The following CHCHD6 variants were observed in gnomAD, a reference collection of about 807,000 sequenced individuals.
CHCHD6 encodes the protein MICOS complex subunit MIC25.
A neutral mutation model predicts 32.3 loss-of-function variants in CHCHD6; 28 were observed. The observed-to-expected ratio is 0.87, with a 90% CI of 0.64 to 1.19. The LOEUF is 1.19. Among genes scored for constraint, CHCHD6 ranks in the 50% most tolerant of loss-of-function variants. CHCHD6 has a pLI of 0.00. For synonymous variants in CHCHD6, 122 were observed against 117.5 expected, an observed-to-expected ratio of 1.04 and a Z score of -0.25; for missense variants, 333 against 307.0, an observed-to-expected ratio of 1.08 and a Z score of -0.63.
At chr3:126,915,302 C>T (rs1054984801) in intron 6 of CHCHD6, among the ~76,000 whole-genome samples, 42 of 152,244 alleles carry the variant, frequency 2.8e-4, no homozygotes, top group African/African-American at 7.7e-4. Context: ...ATTCTGTCCC[C>T]TGTCTGTGGT....
intron 5 of CHCHD6, among the ~76,000 whole-genome samples, chr3:126,901,080 A>G (rs927076316): frequency 1.3e-5 from 2 of 152,160 alleles, no homozygotes; most frequent in Non-Finnish European, 2.9e-5. Flanking sequence ...GATCCAAACC[A>G]TATCACCAGC....
At chr3:126,873,833 G>T (rs1390333334) in intron 5 of CHCHD6, among the ~76,000 whole-genome samples, 1 of 152,212 alleles carries the variant, frequency 6.6e-6, no homozygotes, top group Non-Finnish European at 1.5e-5. Flanking sequence ...TATTCCCTCT[G>T]TACCACTGGG....
chr3:126,705,225 T>A (rs1383324198), intron 1 of CHCHD6, among the ~76,000 whole-genome samples: 4 of 152,218 alleles, frequency 2.6e-5, no homozygotes, highest in Non-Finnish European at 5.9e-5. Context: ...CGTCCAACAT[T>A]TATTATTTTC....
chr3:126,823,615 T>G (rs1412984660), intron 4 of CHCHD6, among the ~76,000 whole-genome samples: 1 of 152,246 alleles, frequency 6.6e-6, no homozygotes, highest in African/African-American at 2.4e-5. Context: ...TCTTAAGTTT[T>G]TCTACATATA....
chr3:126,872,576 T>G (rs978948065), intron 5 of CHCHD6, among the ~76,000 whole-genome samples: 3 of 152,114 alleles, frequency 2.0e-5, no homozygotes, highest in African/African-American at 7.2e-5. Context: ...GAATCTTAGG[T>G]TAGAAGCTGG....
At chr3:126,775,902 C>T (rs143461656) in intron 4 of CHCHD6, among the ~76,000 whole-genome samples, 114 of 152,320 alleles carry the variant, frequency 7.5e-4, no homozygotes, top group African/African-American at 2.5e-3. Flanking sequence ...GGTGCAGGTG[C>T]GGATTTCCTG....
chr3:126,919,386 T>G (rs904075043), intron 6 of CHCHD6, among the ~76,000 whole-genome samples: 1 of 150,052 alleles, frequency 6.7e-6, no homozygotes, highest in Non-Finnish European at 1.5e-5. Context: ...TGATCACAGC[T>G]TACTGCAGCC....
In CHCHD6 at chr3:126,871,403, G is replaced by A. The variant is rs78183858; in HGVS notation, c.495+18673G>A. Among the ~76,000 whole-genome samples the A allele has an allele frequency of 1.9e-3, 287 of 152,172 alleles. 1 individual carries two copies. Among genetic ancestry groups the A allele is most frequent in the African/African-American group, 5.3e-3 (221 of 41,524 alleles). ...CCCTGCCCTTCCTGTACTCTGTTAG[G>A]CATGGGTGCTTCTACGAAAACTTCC... On this transcript the variant is annotated intron_variant, in intron 5 of 7. Coordinates refer to ENST00000290913, the MANE Select transcript of CHCHD6 (RefSeq NM_032343.3).
intron 4 of CHCHD6, among the ~76,000 whole-genome samples, chr3:126,768,448 C>T (rs1196674404): frequency 3.3e-5 from 5 of 152,130 alleles, no homozygotes; most frequent in African/African-American, 7.2e-5. Context: ...AGCAGAACTG[C>T]GAGCCAGTTA....
chr3:126,925,482 C>T (rs138262759), intron 6 of CHCHD6, among the ~76,000 whole-genome samples: 5 of 152,308 alleles, frequency 3.3e-5, no homozygotes, highest in Non-Finnish European at 7.4e-5. Context: ...AGTTGTACAG[C>T]GCTCATCTTC....
chr3:126,706,425 C>G (rs903537613), intron 1 of CHCHD6, among the ~76,000 whole-genome samples: 1 of 152,146 alleles, frequency 6.6e-6, no homozygotes, highest in African/African-American at 2.4e-5. Context: ...TTTCTCACTT[C>G]TGCAATTCCC....
At chr3:126,726,801 C>G (rs1935555673) in intron 1 of CHCHD6, among the ~76,000 whole-genome samples, 1 of 152,052 alleles carries the variant, frequency 6.6e-6, no homozygotes, top group South Asian at 2.1e-4. Flanking sequence ...ACATCAGGTT[C>G]CCCTGAGGAC....
At chr3:126,766,823 C>G (rs1937387062) in intron 4 of CHCHD6, 2 of 983,136 alleles carry the variant, frequency 2.0e-6, no homozygotes, top group African/African-American at 1.6e-5. Context: ...CAGGTGTAAC[C>G]AGTATAGATC....
intron 1 of CHCHD6, among the ~76,000 whole-genome samples, chr3:126,723,145 C>T (rs1207792077): frequency 6.6e-6 from 1 of 152,088 alleles, no homozygotes; most frequent in Non-Finnish European, 1.5e-5. Context: ...CTCCTTATTC[C>T]CTTCCATTGA....
chr3:126,910,281 A>AAAAAACAAAAAAAC (rs1400540164), intron 5 of CHCHD6, among the ~76,000 whole-genome samples: 10 of 151,576 alleles, frequency 6.6e-5, no homozygotes, highest in African/African-American at 2.2e-4. Flanking sequence ...AGGAAAAAAA[A>AAAAAACAAAAAAAC]AAAAACAAAA....
intron 4 of CHCHD6, among the ~76,000 whole-genome samples, chr3:126,822,686 G>T (rs569119214): frequency 1.8e-4 from 27 of 151,874 alleles, no homozygotes; most frequent in Non-Finnish European, 3.7e-4. Flanking sequence ...TCTGATCACT[G>T]TGAATTAAAT....
chr3:126,746,776 T>C (rs1936521517), intron 4 of CHCHD6, among the ~76,000 whole-genome samples: 1 of 152,234 alleles, frequency 6.6e-6, no homozygotes, highest in African/African-American at 2.4e-5. Context: ...TATGTAGGGC[T>C]GTTAACTCCA....
chr3:126,735,102 T>G (rs1935984869), intron 4 of CHCHD6, among the ~76,000 whole-genome samples: 1 of 152,002 alleles, frequency 6.6e-6, no homozygotes, highest in Admixed American at 6.5e-5. Flanking sequence ...GACAACCAAG[T>G]AAGAAGGACC....
chr3:126,763,590 C>T (rs2107673378), intron 4 of CHCHD6, among the ~76,000 whole-genome samples: 1 of 152,250 alleles, frequency 6.6e-6, no homozygotes, highest in East Asian at 1.9e-4. Flanking sequence ...ATCCTCTTGC[C>T]TTGGCCTCCC....
Sources: allele counts gnomAD v4.1 joint callset (sites outside exome capture counted in the v4.1 genomes callset), GRCh38; gene constraint gnomAD v4.1.1; transcripts MANE v1.5; gene names NCBI Gene and HGNC (gene_info 2026-07-23, HGNC 2026-07-21).